EMP2: variants seen among roughly 807,000 people sequenced by gnomAD.
The protein encoded by EMP2 is epithelial membrane protein 2.
In EMP2, 19 loss-of-function variants were observed where a neutral mutation model predicts 13.7. The ratio of observed to expected loss-of-function variants is 1.38; its 90% CI spans 0.97 to 2.03. EMP2 has a LOEUF of 2.03. Among genes scored for constraint, EMP2 ranks in the 30% most tolerant of loss-of-function variants. The pLI, the probability that EMP2 is intolerant of heterozygous loss-of-function variation, is 0.00. For synonymous variants in EMP2, 97 were observed against 84.7 expected (o/e 1.15, Z -0.80); for missense variants, 253 against 220.7 (o/e 1.15, Z -0.93).
At chr16:10,574,470 T>C (rs2142213348) in intron 1 of EMP2, among the ~76,000 whole-genome samples, 1 of 152,118 alleles carries the variant, frequency 6.6e-6, no homozygotes, top group African/African-American at 2.4e-5. Flanking sequence ...CTCCCTCCCT[T>C]CATACACTCA....
chr16:10,565,963 A>G (rs1400102461), intron 1 of EMP2, among the ~76,000 whole-genome samples: 1 of 152,214 alleles, frequency 6.6e-6, no homozygotes, highest in African/African-American at 2.4e-5. Context: ...CTGACTCAAC[A>G]CAAAGAGAAT....
intron 2 of EMP2, chr16:10,547,033 A>G (rs2050745070): frequency 6.6e-6 from 1 of 152,540 alleles, no homozygotes; most frequent in African/African-American, 2.4e-5. Flanking sequence ...CCCTTGGGTC[A>G]GAAGATGTGT....
intron 1 of EMP2, among the ~76,000 whole-genome samples, chr16:10,559,693 G>C (rs937225349): frequency 6.6e-6 from 1 of 151,914 alleles, no homozygotes; most frequent in Non-Finnish European, 1.5e-5. Flanking sequence ...TTATTTTTTT[G>C]AGACAGAGTC....
At position 10,569,688 on chromosome 16, in the gene EMP2, G is replaced by T. The variant is rs117542200; in HGVS notation, c.-61+10861C>A. Among the ~76,000 whole-genome samples the T allele has an allele frequency of 1.5e-3, 232 of 152,278 alleles. 2 individuals are homozygous for T. Among genetic ancestry groups the T allele is most frequent in the Admixed American group, 0.011 (172 of 15,294 alleles). On this transcript the variant is annotated intron_variant, in intron 1 of 4. Coordinates refer to ENST00000359543, the MANE Select transcript of EMP2 (RefSeq NM_001424.6). Reference sequence around the variant, plus strand: ...GCATCACTTGCCAAGGGACATTTAAGTAATACACTGAAATGAACACGAGCA... The same window carrying T: ...GCATCACTTGCCAAGGGACATTTAATTAATACACTGAAATGAACACGAGCA...
rs1431383914 is a variant in EMP2, at chr16:10,532,740, ATTTTTTTTTTCTTTTTTCTTTTT to A, written c.*142_*164del. On this transcript the variant is annotated 3_prime_UTR_variant, in exon 5 of 5. Coordinates refer to ENST00000359543, the MANE Select transcript of EMP2 (RefSeq NM_001424.6). ...ATGCAAAAACTCTTCTCTCTTTTGG[ATTTTTTTTTTCTTTTTTCTTTTT>A]TTTTTTTTTTTTTTTTTTTTTTTGG... 1.0e-4 allele frequency: 21 copies of A among 203,124 alleles called. No homozygotes were observed. The highest frequency in any genetic ancestry group is 7.0e-4 in the African/African-American group (21 of 29,832). The allele number at this position is 203,124 out of a possible 1,614,324, so 12.6% of individuals were successfully genotyped here.
intron 3 of EMP2, among the ~76,000 whole-genome samples, chr16:10,539,098 T>C (rs968070305): frequency 6.6e-6 from 1 of 152,010 alleles, no homozygotes; most frequent in Non-Finnish European, 1.5e-5. Flanking sequence ...CTCATCTACA[T>C]AAGGGGGTTT....
At chr16:10,562,487 T>C (rs1393352177) in intron 1 of EMP2, among the ~76,000 whole-genome samples, 1 of 151,758 alleles carries the variant, frequency 6.6e-6, no homozygotes, top group African/African-American at 2.4e-5. Context: ...CAGACAAGGT[T>C]TACCAGTGAA....
At chr16:10,564,024 A>T (rs565123614) in intron 1 of EMP2, among the ~76,000 whole-genome samples, 1 of 152,352 alleles carries the variant, frequency 6.6e-6, no homozygotes, top group East Asian at 1.9e-4. Flanking sequence ...CAGCAGAGGG[A>T]CTGCTCCTTG....
intron 1 of EMP2, among the ~76,000 whole-genome samples, chr16:10,573,348 G>A (rs1022760250): frequency 2.0e-5 from 3 of 152,082 alleles, no homozygotes; most frequent in African/African-American, 7.2e-5. Context: ...CACCACACCT[G>A]GCCACGGTTA....
chr16:10,537,733 T>A (rs957374174), intron 4 of EMP2, among the ~76,000 whole-genome samples, 195 bp downstream of exon 4: 1 of 151,040 alleles, frequency 6.6e-6, no homozygotes, highest in Non-Finnish European at 1.5e-5. Context: ...AATATAAACG[T>A]CCCACTGTGG....
At chr16:10,568,099 A>AGT in intron 1 of EMP2, among the ~76,000 whole-genome samples, 2 of 152,194 alleles carry the variant, frequency 1.3e-5, no homozygotes, top group African/African-American at 4.8e-5. Flanking sequence ...AATTTACAGC[A>AGT]ATACCAGGGC....
At chr16:10,538,704 A>G (rs549690414) in intron 3 of EMP2, among the ~76,000 whole-genome samples, 1 of 152,294 alleles carries the variant, frequency 6.6e-6, no homozygotes, top group East Asian at 1.9e-4. Flanking sequence ...AGGGTGTCAC[A>G]TGGGGGCAGG....
At chr16:10,571,654 AT>A (rs1268052966) in intron 1 of EMP2, among the ~76,000 whole-genome samples, 1 of 152,204 alleles carries the variant, frequency 6.6e-6, no homozygotes, top group African/African-American at 2.4e-5. Flanking sequence ...CTGGATACGT[AT>A]GGGAAACGGA....
chr16:10,555,224 C>T (rs565500354), intron 1 of EMP2, among the ~76,000 whole-genome samples: 13 of 152,300 alleles, frequency 8.5e-5, no homozygotes, highest in Non-Finnish European at 1.6e-4. Context: ...TCAGAATGCC[C>T]ACGACAATCT....
At position 10,548,673 on chromosome 16, in the gene EMP2, G is replaced by T. The variant is rs145391250; in HGVS notation, c.-60-996C>A. 3.0e-3 allele frequency among the ~76,000 whole-genome samples: 450 copies of T among 152,036 alleles called. 5 individuals carry two copies. The highest frequency in any genetic ancestry group is 0.01 in the African/African-American group (432 of 41,460). Reference sequence around the variant, plus strand: ...CTCATCACTGCACACTAGCCTGGGTGACACAGCAAGACCACATCTCAAAGA... The same window carrying T: ...CTCATCACTGCACACTAGCCTGGGTTACACAGCAAGACCACATCTCAAAGA... On this transcript the variant is annotated intron_variant, in intron 1 of 4. Transcript: ENST00000359543.
At chr16:10,558,661 G>A (rs1596377915) in intron 1 of EMP2, among the ~76,000 whole-genome samples, 1 of 152,022 alleles carries the variant, frequency 6.6e-6, no homozygotes, top group African/African-American at 2.4e-5. Flanking sequence ...ATCTGCCCAC[G>A]GACAGAGTAA....
At chr16:10,539,979 A>G (rs968699547) in intron 3 of EMP2, among the ~76,000 whole-genome samples, 1 of 152,140 alleles carries the variant, frequency 6.6e-6, no homozygotes, top group Non-Finnish European at 1.5e-5. Flanking sequence ...TGGAGTGGGC[A>G]CCAGGAATCT....
intron 1 of EMP2, among the ~76,000 whole-genome samples, chr16:10,549,968 C>A (rs1180755622): frequency 2.0e-5 from 3 of 147,952 alleles, no homozygotes; most frequent in Non-Finnish European, 3.0e-5. Context: ...CCACTGCATC[C>A]TCTGCCTCCC....
chr16:10,535,823 C>T (rs1309839222), intron 4 of EMP2, among the ~76,000 whole-genome samples: 1 of 152,216 alleles, frequency 6.6e-6, no homozygotes, highest in African/African-American at 2.4e-5. Flanking sequence ...GGGGATCAGA[C>T]ACCTCCTGAC....
Sources: gnomAD v4.1 joint callset for allele counts (sites outside exome capture counted in the v4.1 genomes callset) on GRCh38, gnomAD v4.1.1 for gene constraint, MANE v1.5 for transcripts, NCBI Gene and HGNC (gene_info 2026-07-23, HGNC 2026-07-21) for gene names.